Variants in FEZ1 observed in about 807,000 individuals in gnomAD.
FEZ1 encodes the protein fasciculation and elongation protein zeta-1.
In FEZ1, 20 loss-of-function variants were observed where a neutral mutation model predicts 49.3. The observed-to-expected ratio is 0.41, with a 90% confidence interval of 0.29 to 0.59. The LOEUF (loss-of-function observed/expected upper bound fraction) is 0.59, where lower values mean the gene tolerates loss of function less well. FEZ1 is among the 20% of genes least tolerant of loss of function. FEZ1 has a pLI of 0.36. For synonymous variants in FEZ1, 170 were observed against 180.9 expected (o/e 0.94, Z 0.48); for missense variants, 413 against 476.0 (o/e 0.87, Z 1.23).
At chr11:125,449,674 G>A (rs1283580146) in intron 8 of FEZ1, among the ~76,000 whole-genome samples, 6 of 152,128 alleles carry the variant, frequency 3.9e-5, no homozygotes, top group African/African-American at 1.2e-4. Flanking sequence ...TTTTCTCAAT[G>A]AGCATGTATT....
intron 1 of FEZ1, among the ~76,000 whole-genome samples, chr11:125,493,481 G>GGAAAGAGAAAGAAAGAAAGAAA (rs1957418670): frequency 2.0e-5 from 1 of 49,648 alleles, no homozygotes; most frequent in African/African-American, 9.0e-5. Flanking sequence ...AAGGAAAGAA[G>GGAAAGAGAAAGAAAGAAAGAAA]GAAAGAAGGA....
chr11:125,455,748 T>C (rs746965678), intron 6 of FEZ1, 87 bp downstream of exon 6: 4 of 1,369,114 alleles, frequency 2.9e-6, no homozygotes, highest in Non-Finnish European at 4.2e-6. Context: ...TAAACGTTGA[T>C]GAGTCCCCTG....
intron 4 of FEZ1, 25 bp downstream of exon 4, chr11:125,463,459 C>T (rs764286029): frequency 4.6e-5 from 66 of 1,428,842 alleles, no homozygotes; most frequent in South Asian, 1.3e-4. Context: ...CAAAAGGTCC[C>T]GATAACCTGG....
rs1238182943 is a variant in FEZ1, at chr11:125,483,753, A to G, written c.312-2120T>C. Among the ~76,000 whole-genome samples the G allele has an allele frequency of 3.3e-5, 5 of 152,214 alleles. No homozygotes were observed. The South Asian group carries it at 1.0e-3, about 31-fold the overall frequency. ...GAAATGAAATTCAGCAAAGCCCAAA[A>G]TAGGCAGGAGCCTTTTGTATCTCTC... On this transcript the variant is annotated intron_variant, in intron 2 of 9. Coordinates refer to ENST00000278919, the MANE Select transcript of FEZ1 (RefSeq NM_005103.5).
intron 5 of FEZ1, 84 bp downstream of exon 5, chr11:125,460,414 T>G (rs906357039): frequency 8.2e-7 from 1 of 1,221,574 alleles, no homozygotes; most frequent in South Asian, 1.5e-5. Flanking sequence ...AGGGTTCTAT[T>G]AGCCATGTAC....
In FEZ1 at chr11:125,452,356, T is replaced by G; in HGVS notation, c.1074A>C (p.Glu358Asp). 1 of 1,612,678 alleles carries G rather than the reference T, an allele frequency of 6.2e-7. No homozygotes were observed. Among genetic ancestry groups the G allele is most frequent in the Non-Finnish European group, 8.5e-7 (1 of 1,178,626 alleles). The part of the protein sequence containing the change: ...YEKKASPPSV[E>D]DLQMLTNILF... ...CACTGTTTGTCAGCATCTGCAGGTC[T>G]TCCACTGAGGGAGGAGAGGCTTTCT... The change falls in exon 8 of 10, where the codon GAA becomes GAC. Residue 358 changes from glutamate (E) to aspartate (D), a missense_variant. Transcript: ENST00000278919.
At chr11:125,468,170 C>T (rs999819233) in intron 3 of FEZ1, among the ~76,000 whole-genome samples, 11 of 152,010 alleles carry the variant, frequency 7.2e-5, no homozygotes, top group African/African-American at 2.7e-4. Flanking sequence ...GCATCATCCA[C>T]ATAATAACTT....
At chr11:125,490,631 G>A (rs1376824030) in intron 1 of FEZ1, among the ~76,000 whole-genome samples, 3 of 152,146 alleles carry the variant, frequency 2.0e-5, no homozygotes, top group Non-Finnish European at 4.4e-5. Context: ...GTTGAGGTGG[G>A]AGGATCATTT....
At chr11:125,466,761 A>G (rs1414433493) in intron 3 of FEZ1, among the ~76,000 whole-genome samples, 4 of 152,184 alleles carry the variant, frequency 2.6e-5, no homozygotes, top group Non-Finnish European at 4.4e-5. Context: ...TGCACAGTGA[A>G]GTATTCTGAA....
At chr11:125,447,794 A>G (rs1373154331) in intron 9 of FEZ1, among the ~76,000 whole-genome samples, 1 of 150,814 alleles carries the variant, frequency 6.6e-6, no homozygotes, top group Non-Finnish European at 1.5e-5. Flanking sequence ...TGCACTCCAG[A>G]CTGGGTGACA....
At chr11:125,479,581 C>T (rs375484254) in intron 3 of FEZ1, among the ~76,000 whole-genome samples, 1 of 152,142 alleles carries the variant, frequency 6.6e-6, no homozygotes, top group East Asian at 1.9e-4. Context: ...ATCCTAATGC[C>T]CAAAGTGATG....
At chr11:125,481,106 A>C (rs1957275419) in intron 3 of FEZ1, among the ~76,000 whole-genome samples, 1 of 152,024 alleles carries the variant, frequency 6.6e-6, no homozygotes, top group Admixed American at 6.6e-5. Flanking sequence ...AACCTAATAG[A>C]AGTGATCTGT....
chr11:125,488,489 G>C (rs547126110), intron 2 of FEZ1, among the ~76,000 whole-genome samples: 1 of 152,100 alleles, frequency 6.6e-6, no homozygotes, highest in Non-Finnish European at 1.5e-5. Flanking sequence ...GACCAGCCTG[G>C]CCAACATGGT....
intron 2 of FEZ1, 49 bp from the exon 3 acceptor site, chr11:125,481,682 C>T (rs764737439): frequency 3.2e-5 from 41 of 1,296,416 alleles, no homozygotes; most frequent in Admixed American, 6.7e-5. Flanking sequence ...GGCCTGGCCC[C>T]GCCTGGAGGA....
At chr11:125,493,398 G>T (rs1957408135) in intron 1 of FEZ1, among the ~76,000 whole-genome samples, 1 of 63,764 alleles carries the variant, frequency 1.6e-5, no homozygotes. Context: ...AAGAAAGAAA[G>T]AAAGAAAGAA....
At chr11:125,449,417 T>A (rs1162173959) in intron 8 of FEZ1, among the ~76,000 whole-genome samples, 181 of 27,002 alleles carry the variant, frequency 6.7e-3, no homozygotes, top group South Asian at 0.01. Context: ...TTTGTCTCTA[T>A]AAAAAAAAAA....
Position 125,445,974 on chromosome 11 carries a change from T to G in FEZ1, c.*121A>C. 9.5e-7 allele frequency: 1 copy of G among 1,048,490 alleles called. No homozygotes were observed. The highest frequency in any genetic ancestry group is 1.5e-6 in the Non-Finnish European group (1 of 668,538). 64.9% of individuals were successfully genotyped at this position (1,048,490 alleles called of 1,614,324 possible). A position where few individuals can be genotyped will look rare whatever the true frequency, so the allele number is the denominator to read the frequency against. On this transcript the variant is annotated 3_prime_UTR_variant, in exon 10 of 10. Transcript: ENST00000278919. This position sits in a 1 kb window ranked among gnomAD's most constrained non-coding sequence, Gnocchi z 4.4. ...ACCCCGCGCGCTTGCTCGTGTTTAA[T>G]CCAGGTTAAGCTATACACGTTTAAA...
At chr11:125,457,361 T>C (rs1279908450) in intron 5 of FEZ1, among the ~76,000 whole-genome samples, 3 of 132,712 alleles carry the variant, frequency 2.3e-5, no homozygotes, top group Non-Finnish European at 4.7e-5. Context: ...AGGCCAGGAG[T>C]TCGAGACCAG....
At chr11:125,446,278 TATA>T (rs373799539) in intron 9 of FEZ1, among the ~76,000 whole-genome samples, 167 bp from the exon 10 acceptor site, 1 of 152,176 alleles carries the variant, frequency 6.6e-6, no homozygotes, top group Non-Finnish European at 1.5e-5. Context: ...GGTTGCTGGT[TATA>T]ATAACTAAGC....
Sources: gnomAD v4.1 joint callset for allele counts (sites outside exome capture counted in the v4.1 genomes callset) on GRCh38, gnomAD v4.1.1 for gene constraint, Gnocchi (gnomAD v3.1) non-coding constraint, MANE v1.5 for transcripts, NCBI Gene and HGNC (gene_info 2026-07-23, HGNC 2026-07-21) for gene names.